Variants in LRIG1 observed in about 807,000 individuals in gnomAD.
The protein encoded by LRIG1 is leucine-rich repeats and immunoglobulin-like domains protein 1.
In LRIG1, 48 loss-of-function variants were observed where a neutral mutation model predicts 99.2. That is an observed-to-expected ratio of 0.48 (90% CI 0.38 to 0.62). The LOEUF is 0.62. Among genes scored for constraint, LRIG1 ranks in the 20% least tolerant of loss-of-function variants. The probability of loss-of-function intolerance (pLI) is 0.00; values close to 1 mark genes in which losing one functional copy is unlikely to be tolerated. For synonymous variants in LRIG1, 772 were observed against 596.1 expected, an observed-to-expected ratio of 1.29 and a Z score of -4.30; for missense variants, 1,646 against 1,434.4, an observed-to-expected ratio of 1.15 and a Z score of -2.38.
chr3:66,446,235 C>G (rs556824897), intron 3 of LRIG1, among the ~76,000 whole-genome samples: 1 of 152,182 alleles, frequency 6.6e-6, no homozygotes, highest in South Asian at 2.1e-4. Flanking sequence ...TCCCTCCAAC[C>G]CCACCCAGGG....
chr3:66,430,748 A>T (rs1703144093), intron 3 of LRIG1, among the ~76,000 whole-genome samples: 4 of 152,134 alleles, frequency 2.6e-5, no homozygotes, highest in African/African-American at 7.2e-5. Context: ...ACCAGGCTCA[A>T]GTTGGGCCAG....
At chr3:66,436,150 C>T (rs1437741656) in intron 3 of LRIG1, among the ~76,000 whole-genome samples, 1 of 152,214 alleles carries the variant, frequency 6.6e-6, no homozygotes, top group African/African-American at 2.4e-5. Context: ...GTGGCCCTTG[C>T]CTGGCATCAG....
chr3:66,474,347 CTTTTTTT>C (rs58012350), intron 1 of LRIG1, among the ~76,000 whole-genome samples: 1 of 140,690 alleles, frequency 7.1e-6, no homozygotes, highest in Admixed American at 7.1e-5. Context: ...CATCTACGTT[CTTTTTTT>C]TTTTTTTTGA....
At chr3:66,468,237 G>C (rs1700519056) in intron 1 of LRIG1, among the ~76,000 whole-genome samples, 1 of 152,138 alleles carries the variant, frequency 6.6e-6, no homozygotes, top group Non-Finnish European at 1.5e-5. Context: ...CTGTGGTGAG[G>C]AAACAACCCC....
intron 2 of LRIG1, among the ~76,000 whole-genome samples, chr3:66,453,067 CCTCA>C (rs1043770164): frequency 2.1e-4 from 32 of 152,322 alleles, no homozygotes; most frequent in African/African-American, 7.5e-4. Context: ...CATTTCCCAT[CCTCA>C]CTCAGGGACA....
intron 2 of LRIG1, among the ~76,000 whole-genome samples, chr3:66,460,905 C>T (rs920995283): frequency 3.3e-5 from 5 of 152,118 alleles, no homozygotes; most frequent in Non-Finnish European, 5.9e-5. Flanking sequence ...AAATTATAAA[C>T]GCCAATCTGG....
At chr3:66,437,826 G>A (rs938910020) in intron 3 of LRIG1, among the ~76,000 whole-genome samples, 3 of 152,128 alleles carry the variant, frequency 2.0e-5, no homozygotes, top group Non-Finnish European at 4.4e-5. Flanking sequence ...GGGGGGAGGA[G>A]GTCAGAAGAG....
At position 66,378,834 on chromosome 3, in the gene LRIG1, A is replaced by G. The variant is rs999268370; in HGVS notation, c.*1429T>C. The G allele has an allele frequency of 1.3e-5, 2 of 152,578 alleles. No homozygotes were observed. Among genetic ancestry groups the G allele is most frequent in the East Asian group, 1.9e-4 (1 of 5,206 alleles). 9.5% of individuals were successfully genotyped at this position (152,578 alleles called of 1,614,324 possible). Reference sequence around the variant, plus strand: ...ATGAACCTTTATTAAAGACACTTCAATGCCATTTGTTAGACACTTCAATAT... The same window carrying G: ...ATGAACCTTTATTAAAGACACTTCAGTGCCATTTGTTAGACACTTCAATAT... On this transcript the variant is annotated 3_prime_UTR_variant, in exon 19 of 19. Transcript: ENST00000273261.
chr3:66,466,548 A>T (rs1050152233), intron 1 of LRIG1, among the ~76,000 whole-genome samples: 10 of 152,168 alleles, frequency 6.6e-5, no homozygotes, highest in Admixed American at 2.6e-4. Context: ...GATAACACGC[A>T]TTTCTCAGTA....
At chr3:66,381,940 G>A (rs1014037125) in intron 16 of LRIG1, among the ~76,000 whole-genome samples, 3 of 151,120 alleles carry the variant, frequency 2.0e-5, no homozygotes, top group East Asian at 1.9e-4. Flanking sequence ...TCACAGAGCA[G>A]ACCTGGGCAC....
At position 66,394,259 on chromosome 3, in the gene LRIG1, C is replaced by T. The variant is rs1000480142; in HGVS notation, c.1305-56G>A. Reference sequence around the variant, plus strand: ...GTGCAGCCGCAAAGGAGGGACACTCCCTTCACACACACAATGATCAGTCGC... The same window carrying T: ...GTGCAGCCGCAAAGGAGGGACACTCTCTTCACACACACAATGATCAGTCGC... On this transcript the variant is annotated intron_variant, in intron 11 of 18. Transcript: ENST00000273261. The T allele has an allele frequency of 1.1e-5, 16 of 1,427,798 alleles. No individual in the cohort carries two copies. The African/African-American group carries it at 2.2e-4, about 19-fold the overall frequency. 88.4% of individuals were successfully genotyped at this position (1,427,798 alleles called of 1,614,324 possible). A position where few individuals can be genotyped will look rare whatever the true frequency, so the allele number is the denominator to read the frequency against.
intron 1 of LRIG1, among the ~76,000 whole-genome samples, chr3:66,497,519 T>C (rs1010211863): frequency 6.6e-6 from 1 of 152,040 alleles, no homozygotes; most frequent in Non-Finnish European, 1.5e-5. Flanking sequence ...AGACTTAAAT[T>C]ATGGCTTGAC....
At position 66,500,652 on chromosome 3, in the gene LRIG1, G is replaced by GCCCT. The variant is rs1701338382; in HGVS notation, c.-246_-245insAGGG. ...CCCATCCGGGCCGGCCGGCCCGCCC[G>GCCCT]CGCTAGCTGCGAACTCCGCCGATTC... On this transcript the variant is annotated 5_prime_UTR_variant, in exon 1 of 19. Coordinates refer to ENST00000273261, the MANE Select transcript of LRIG1 (RefSeq NM_015541.3). 1 of 288,526 alleles carries GCCCT rather than the reference G, an allele frequency of 3.5e-6. No homozygotes were observed. The highest frequency in any genetic ancestry group is 2.2e-5 in the African/African-American group (1 of 44,886). The allele number at this position is 288,526 out of a possible 1,614,324, so 17.9% of individuals were successfully genotyped here. A position where few individuals can be genotyped will look rare whatever the true frequency, so the allele number is the denominator to read the frequency against.
At chr3:66,411,389 A>G (rs1299865737) in intron 6 of LRIG1, among the ~76,000 whole-genome samples, 5 of 152,220 alleles carry the variant, frequency 3.3e-5, no homozygotes, top group Non-Finnish European at 2.9e-5. Context: ...GTTCAACATA[A>G]AAACCAAATG....
intron 12 of LRIG1, among the ~76,000 whole-genome samples, chr3:66,391,154 G>A (rs1181308052): frequency 6.6e-6 from 1 of 152,134 alleles, no homozygotes; most frequent in East Asian, 1.9e-4. Context: ...AAAAAAGACA[G>A]TTAATAACAC....
At chr3:66,479,624 G>A (rs946609063) in intron 1 of LRIG1, among the ~76,000 whole-genome samples, 1 of 152,136 alleles carries the variant, frequency 6.6e-6, no homozygotes, top group African/African-American at 2.4e-5. Context: ...GTTAAAATAC[G>A]GGCAAAGAAA....
rs142290201 is a variant in LRIG1, at chr3:66,419,788, C to G, written c.366-2522G>C. The stretch of plus-strand genomic sequence containing the variant: ...GATCAAAGCTGCTGGCCTCTCCCCA[C>G]CTGTCTCCTCCCAACTTCAGCATCC... On this transcript the variant is annotated intron_variant, in intron 3 of 18. Coordinates refer to ENST00000273261, the MANE Select transcript of LRIG1 (RefSeq NM_015541.3). Among the ~76,000 whole-genome samples the G allele has an allele frequency of 3.1e-3, 469 of 152,248 alleles. 3 individuals are homozygous for G. Among genetic ancestry groups the G allele is most frequent in the African/African-American group, 0.011 (458 of 41,550 alleles).
intron 13 of LRIG1, 92 bp from the exon 14 acceptor site, chr3:66,384,364 C>G (rs979262473): frequency 1.5e-6 from 2 of 1,350,722 alleles, no homozygotes; most frequent in African/African-American, 2.9e-5. Flanking sequence ...TCACTGTGCC[C>G]AGTGCCAGTT....
chr3:66,453,172 T>C (rs2106812728), intron 2 of LRIG1, among the ~76,000 whole-genome samples: 1 of 152,352 alleles, frequency 6.6e-6, no homozygotes, highest in Middle Eastern at 3.4e-3. Context: ...CCCCAGGTTT[T>C]ATCAGAGCAA....
Sources: gnomAD v4.1 joint callset for allele counts (sites outside exome capture counted in the v4.1 genomes callset) on GRCh38, gnomAD v4.1.1 for gene constraint, MANE v1.5 for transcripts, NCBI Gene and HGNC (gene_info 2026-07-23, HGNC 2026-07-21) for gene names.